Variants in GOLGB1 observed in about 807,000 individuals in gnomAD.
GOLGB1 encodes the protein golgin B1, also known as golgin subfamily B member 1.
A neutral mutation model predicts 336.9 loss-of-function variants in GOLGB1; 174 were observed. The observed-to-expected ratio is 0.52, with a 90% confidence interval of 0.46 to 0.59. The LOEUF is 0.59. Among genes scored for constraint, GOLGB1 ranks in the 20% least tolerant of loss-of-function variants. The pLI, the probability that GOLGB1 is intolerant of heterozygous loss-of-function variation, is 0.00. For synonymous variants in GOLGB1, 1,208 were observed against 1,289.2 expected (o/e 0.94, Z 1.35); for missense variants, 3,331 against 3,645.3 (o/e 0.91, Z 2.22).
rs775407152 is a variant in GOLGB1 at position 121,691,181 on chromosome 3, G to A, written c.8183C>T (p.Thr2728Ile). The change falls in exon 14 of 22, where the codon ACC becomes ATC. Residue 2728 changes from threonine to isoleucine, a missense_variant. Thr to Ile is a moderately conservative substitution (Grantham distance 89). Coordinates refer to ENST00000614479, the MANE Select transcript of GOLGB1 (RefSeq NM_001366282.2). ...VEMEQKLLMV[T>I]KENKGLTAQI... ...TGCTGTGAGACCTTTATTTTCTTTG[G>A]TGACCATGAGTAATTTCTGTTCCAT... is the stretch of plus-strand genomic sequence containing the variant. 6 of 1,613,162 alleles carry A rather than the reference G, an allele frequency of 3.7e-6. No homozygotes were observed. The highest frequency in any genetic ancestry group is 1.7e-5 in the Admixed American group (1 of 59,858).
chr3:121,699,427 A>T (rs1199443445), intron 12 of GOLGB1, among the ~76,000 whole-genome samples: 3 of 152,188 alleles, frequency 2.0e-5, no homozygotes, highest in Non-Finnish European at 4.4e-5. Flanking sequence ...TTTTCAGATT[A>T]TTAAAAGGAT....
Position 121,695,103 on chromosome 3 carries a change from G to C in GOLGB1, c.5420C>G (p.Ser1807Cys). ...SIPGETEEQD[S>C]LSMSTRPTCS... ...TGTAGGTCTTGTGCTCATACTCAGA[G>C]AGTCTTGCTCTTCAGTCTCACCTGG... The change falls in exon 13 of 22, where the codon TCT (serine) becomes TGT (cysteine). Residue 1807 changes from serine (S) to cysteine (C), a missense_variant. Ser to Cys is a moderately radical substitution (Grantham distance 112). Coordinates refer to ENST00000614479, the MANE Select transcript of GOLGB1 (RefSeq NM_001366282.2). 1.2e-6 allele frequency: 2 copies of C among 1,613,862 alleles called. No individual in the cohort carries two copies. The highest frequency in any genetic ancestry group is 4.5e-5 in the East Asian group (2 of 44,824).
chr3:121,746,986 A>G (rs1012991853), intron 1 of GOLGB1, among the ~76,000 whole-genome samples: 3 of 151,540 alleles, frequency 2.0e-5, no homozygotes, highest in Non-Finnish European at 4.4e-5. Flanking sequence ...GGTTGAAAAC[A>G]GAATGAAGGG....
At chr3:121,670,214 C>A (rs776629458) in intron 17 of GOLGB1, among the ~76,000 whole-genome samples, 37 of 152,126 alleles carry the variant, frequency 2.4e-4, no homozygotes, top group Non-Finnish European at 4.7e-4. Context: ...CTGTGATTAG[C>A]CTCCAGGTAC....
At chr3:121,675,373 C>CT (rs1039823961) in intron 17 of GOLGB1, among the ~76,000 whole-genome samples, 3 of 152,108 alleles carry the variant, frequency 2.0e-5, no homozygotes, top group South Asian at 4.1e-4. Context: ...TACCTCATTT[C>CT]TTTTTTTTGT....
At position 121,695,383 on chromosome 3, in the gene GOLGB1, T is replaced by C. The variant is rs1371915267; in HGVS notation, c.5140A>G (p.Thr1714Ala). ...LRAEVHPAGD[T>A]AKECMETLLS... ...AGTGTTTCCATACACTCTTTAGCTGTATCTCCTGCAGGGTGCACCTCTGCC... is the reference window on the plus strand; with the variant it reads ...AGTGTTTCCATACACTCTTTAGCTGCATCTCCTGCAGGGTGCACCTCTGCC... Residue 1714 changes from threonine to alanine, a missense_variant, in exon 13 of 22, where the codon ACA becomes GCA. Transcript: ENST00000614479. The C allele has an allele frequency of 2.5e-6, 4 of 1,613,956 alleles. No homozygotes were observed. In the South Asian group the frequency reaches 3.3e-5, roughly 13 times the overall value.
intron 20 of GOLGB1, among the ~76,000 whole-genome samples, chr3:121,666,417 C>T (rs377754460): frequency 4.6e-5 from 7 of 152,216 alleles, no homozygotes; most frequent in African/African-American, 1.7e-4. Context: ...CAGGTTTCAC[C>T]GGTCTAAACA....
chr3:121,681,920 G>GT, intron 14 of GOLGB1, 55 bp from the exon 15 acceptor site: 2 of 1,224,388 alleles, frequency 1.6e-6, no homozygotes, highest in South Asian at 2.5e-5. Flanking sequence ...TCATCTAACT[G>GT]TAAGTCATTG....
chr3:121,669,184 C>T, intron 18 of GOLGB1, 28 bp downstream of exon 18: 1 of 1,610,538 alleles, frequency 6.2e-7, no homozygotes, highest in Non-Finnish European at 8.5e-7. Context: ...TCACACTTCT[C>T]CCAGTCTCTC....
chr3:121,697,835 G>A lies in GOLGB1; in HGVS notation c.2688C>T (p.Thr896=). ...LLLEKKRDVE[T]LQQTIEEKDQ... ...CCTTCTCCTCGATGGTTTGTTGGAG[G>A]GTTTCCACATCTCTCTTTTTCTCTA... The change falls in exon 13 of 22, where the codon ACC becomes ACT. Residue 896 remains threonine (T), a synonymous_variant. Coordinates refer to ENST00000614479, the MANE Select transcript of GOLGB1 (RefSeq NM_001366282.2). 6.2e-7 allele frequency: 1 copy of A among 1,613,868 alleles called. No homozygotes were observed. The highest frequency in any genetic ancestry group is 8.5e-7 in the Non-Finnish European group (1 of 1,179,904).
intron 17 of GOLGB1, among the ~76,000 whole-genome samples, chr3:121,675,835 A>G (rs199960054): frequency 5.9e-5 from 9 of 152,388 alleles, no homozygotes; most frequent in African/African-American, 2.2e-4. Flanking sequence ...AGTTTAAAAC[A>G]CTGTCCTAGA....
At position 121,677,404 on chromosome 3, in the gene GOLGB1, G is replaced by T; in HGVS notation, c.8920C>A (p.Gln2974Lys). 6.2e-7 allele frequency: 1 copy of T among 1,607,044 alleles called. No homozygotes were observed. Among genetic ancestry groups the T allele is most frequent in the Non-Finnish European group, 8.5e-7 (1 of 1,173,644 alleles). Residue 2974 changes from glutamine to lysine, a missense_variant, in exon 16 of 22, where the codon CAG (glutamine) becomes AAG (lysine). Gln to Lys is a moderately conservative substitution (Grantham distance 53). Coordinates refer to ENST00000614479, the MANE Select transcript of GOLGB1 (RefSeq NM_001366282.2). Reference protein sequence around the residue: ...WEIHERRMKEQYLMAISDKDQ... With the variant: ...WEIHERRMKEKYLMAISDKDQ... ...TTATCTGAGATAGCCATAAGGTACT[G>T]TTCCTTCATTCTCCTCTCATGTATT...
rs1172795573 is a variant in GOLGB1 at position 121,676,952 on chromosome 3, T to C, written c.9118A>G (p.Asn3040Asp). The part of the protein sequence containing the change: ...YETELLRTQL[N>D]DSLKEIHQKE... ...TGGTGAATTTCCTTTAAGCTGTCATTGAGCTGGGTCCTGAGAAGTTCTGTC... is the reference window on the plus strand; with the variant it reads ...TGGTGAATTTCCTTTAAGCTGTCATCGAGCTGGGTCCTGAGAAGTTCTGTC... The change falls in exon 17 of 22, where the codon AAT becomes GAT. Residue 3040 changes from asparagine (N) to aspartate (D), a missense_variant. Physicochemically the swap from Asn to Asp is conservative, Grantham distance 23. Transcript: ENST00000614479. The C allele has an allele frequency of 6.2e-7, 1 of 1,613,574 alleles. No homozygotes were observed. Among genetic ancestry groups the C allele is most frequent in the African/African-American group, 1.3e-5 (1 of 74,918 alleles).
chr3:121,748,549 T>A (rs574599086), intron 1 of GOLGB1, among the ~76,000 whole-genome samples: 1 of 152,174 alleles, frequency 6.6e-6, no homozygotes, highest in African/African-American at 2.4e-5. Context: ...ACTCTTCAAC[T>A]TTTTCCTGCA....
intron 1 of GOLGB1, among the ~76,000 whole-genome samples, chr3:121,733,397 G>A (rs929385807): frequency 6.6e-6 from 1 of 151,834 alleles, no homozygotes; most frequent in Non-Finnish European, 1.5e-5. Flanking sequence ...AACAGAGCAG[G>A]ACTTGGGTAA....
intron 14 of GOLGB1, among the ~76,000 whole-genome samples, chr3:121,686,059 A>G (rs889434581): frequency 1.3e-5 from 2 of 152,130 alleles, no homozygotes; most frequent in Non-Finnish European, 2.9e-5. Flanking sequence ...TTTGCTCTGC[A>G]CTTACATTAA....
At chr3:121,686,119 G>C (rs1398343666) in intron 14 of GOLGB1, among the ~76,000 whole-genome samples, 2 of 152,194 alleles carry the variant, frequency 1.3e-5, no homozygotes, top group Non-Finnish European at 2.9e-5. Flanking sequence ...ATTTACTGTA[G>C]AGAAGTAATG....
Position 121,692,574 on chromosome 3 carries a change from G to C in GOLGB1, c.6790C>G (p.His2264Asp). ...ELKINISRLE[H>D]DKQIWESKAQ... ...TTGGACTCCCAAATCTGCTTGTCAT[G>C]TTCAAGCCTGAAACAGAGAGAAGGT... Residue 2264 changes from histidine (H) to aspartate (D), a missense_variant, in exon 14 of 22, where the codon CAT becomes GAT. Coordinates refer to ENST00000614479, the MANE Select transcript of GOLGB1 (RefSeq NM_001366282.2). The C allele has an allele frequency of 6.4e-7, 1 of 1,561,780 alleles. No individual in the cohort carries two copies.
In GOLGB1 at chr3:121,716,994, T is replaced by C. The variant is rs757138694; in HGVS notation, c.1031A>G (p.Gln344Arg). 2 of 1,614,122 alleles carry C rather than the reference T, an allele frequency of 1.2e-6. No homozygotes were observed. The highest frequency in any genetic ancestry group is 1.7e-6 in the Non-Finnish European group (2 of 1,180,002). The change falls in exon 9 of 22, where the codon CAG becomes CGG. Residue 344 changes from glutamine (Q) to arginine (R), a missense_variant. Transcript: ENST00000614479. ...AERKLSFHNLQEEMHHLLEQF... is the reference protein window; with the variant it reads ...AERKLSFHNLREEMHHLLEQF... ...TTCTAAAAGATGATGCATTTCTTCC[T>C]GCAGATTATGGAAGGATAATTTTCT...
Sources: gnomAD v4.1 joint callset for allele counts (sites outside exome capture counted in the v4.1 genomes callset) on GRCh38, gnomAD v4.1.1 for gene constraint, MANE v1.5 for transcripts, NCBI Gene and HGNC (gene_info 2026-07-23, HGNC 2026-07-21) for gene names.